SKI: variants seen among roughly 807,000 people sequenced by gnomAD.
SKI encodes the protein ski oncogene.
A neutral mutation model predicts 59.3 loss-of-function variants in SKI; 23 were observed. That is an observed-to-expected ratio of 0.39 (90% CI 0.28 to 0.55). SKI has a LOEUF of 0.55. Ranked by LOEUF, SKI falls within the 20% of genes least tolerant of loss-of-function variation. The pLI, the probability that SKI is intolerant of heterozygous loss-of-function variation, is 0.67. For missense variants in SKI, 1,017 were observed against 1,038.9 expected, an observed-to-expected ratio of 0.98 and a Z score of 0.29; for synonymous variants, 673 against 488.6, an observed-to-expected ratio of 1.38 and a Z score of -4.98.
chr1:2,280,009 G>A (rs1328054224), intron 1 of SKI, among the ~76,000 whole-genome samples: 2 of 152,214 alleles, frequency 1.3e-5, no homozygotes, highest in Non-Finnish European at 2.9e-5. Context: ...CAGCCATTCA[G>A]GAGAAGCGCG....
chr1:2,272,556 G>A (rs1396000546), intron 1 of SKI, among the ~76,000 whole-genome samples: 1 of 152,198 alleles, frequency 6.6e-6, no homozygotes, highest in Admixed American at 6.5e-5. Flanking sequence ...CCAAGGCTCG[G>A]GGAAGCCCTT....
chr1:2,273,714 C>G (rs1179561206), intron 1 of SKI, among the ~76,000 whole-genome samples: 1 of 152,196 alleles, frequency 6.6e-6, no homozygotes, highest in Non-Finnish European at 1.5e-5. Context: ...TGCAGCCTCC[C>G]CCAGCATTGC....
rs3065260 is a variant in SKI, at chr1:2,260,535, C to CTTTTTTTTTTTTTT, written c.969+30810_969+30823dup. Reference sequence around the variant, plus strand: ...TCCAATTTTTCAGTTTGTTCTTTTTCTTTTTTTTTTTTTTTTTTTTTTTGA... The same window carrying CTTTTTTTTTTTTTT: ...TCCAATTTTTCAGTTTGTTCTTTTTCTTTTTTTTTTTTTTTTTTTTTTTTTTTTTTTTTTTTTGA... On this transcript the variant is annotated intron_variant, in intron 1 of 6. Transcript: ENST00000378536. 2.7e-3 allele frequency among the ~76,000 whole-genome samples: 185 copies of CTTTTTTTTTTTTTT among 67,796 alleles called. 34 individuals carry two copies. Among genetic ancestry groups the CTTTTTTTTTTTTTT allele is most frequent in the Middle Eastern group, 0.012 (1 of 82 alleles). 44.5% of individuals were successfully genotyped at this position (67,796 alleles called of 152,430 possible).
At chr1:2,233,168 C>T (rs1174750329) in intron 1 of SKI, among the ~76,000 whole-genome samples, 1 of 151,460 alleles carries the variant, frequency 6.6e-6, no homozygotes, top group Non-Finnish European at 1.5e-5. Flanking sequence ...TGGGCCGTGG[C>T]AGGATCCTGC....
Position 2,269,720 on chromosome 1 carries a change from C to T in SKI, c.970-33258C>T, listed in dbSNP as rs1307978014. On this transcript the variant is annotated intron_variant, in intron 1 of 6. Coordinates refer to ENST00000378536, the MANE Select transcript of SKI (RefSeq NM_003036.4). This position sits in a 1 kb window ranked among gnomAD's most constrained non-coding sequence, Gnocchi z 4.7. ...GGACAGTGGGGACGTGGCTGTGCAC[C>T]GGGCCCAGGGCTGGCAGGAGGCTGC... Among the ~76,000 whole-genome samples, 7 of 152,356 alleles carry T rather than the reference C, an allele frequency of 4.6e-5. No homozygotes were observed. Among genetic ancestry groups the T allele is most frequent in the African/African-American group, 9.6e-5 (4 of 41,590 alleles).
chr1:2,292,469 CAG>C (rs1486548800), intron 1 of SKI, among the ~76,000 whole-genome samples: 5 of 152,178 alleles, frequency 3.3e-5, no homozygotes, highest in African/African-American at 1.2e-4. Flanking sequence ...GGGTCACACT[CAG>C]AACTGACTGC....
At chr1:2,235,087 G>C (rs1362044358) in intron 1 of SKI, among the ~76,000 whole-genome samples, 1 of 150,530 alleles carries the variant, frequency 6.6e-6, no homozygotes, top group Non-Finnish European at 1.5e-5. Flanking sequence ...CTGTTGCCCA[G>C]GCTGGAGTGC....
Position 2,268,151 on chromosome 1 carries a change from G to A in SKI, c.970-34827G>A, listed in dbSNP as rs1266958126. Among the ~76,000 whole-genome samples, 8 of 152,204 alleles carry A rather than the reference G, an allele frequency of 5.3e-5. No homozygotes were observed. Among genetic ancestry groups the A allele is most frequent in the African/African-American group, 1.4e-4 (6 of 41,468 alleles). ...GGCCCAGGTGCCCCCTGGGTTGTGC[G>A]GCGGGGCCCTGGCTCTGTGGGTGGG... On this transcript the variant is annotated intron_variant, in intron 1 of 6. Coordinates refer to ENST00000378536, the MANE Select transcript of SKI (RefSeq NM_003036.4). The surrounding 1 kb of genome is among the most constrained non-coding windows in gnomAD (Gnocchi z 5.0).
At chr1:2,272,262 C>T (rs764600401) in intron 1 of SKI, among the ~76,000 whole-genome samples, 1 of 152,234 alleles carries the variant, frequency 6.6e-6, no homozygotes, top group African/African-American at 2.4e-5. Context: ...AGCTACCAAG[C>T]TTAAATGTCT....
At chr1:2,291,914 T>A (rs1244343228) in intron 1 of SKI, among the ~76,000 whole-genome samples, 1 of 152,260 alleles carries the variant, frequency 6.6e-6, no homozygotes, top group Non-Finnish European at 1.5e-5. Flanking sequence ...CTTGGGGTTG[T>A]CTTGCAGATT....
rs567826959 is a variant in SKI, at chr1:2,293,255, T to C, written c.970-9723T>C. 2.0e-5 allele frequency among the ~76,000 whole-genome samples: 3 copies of C among 152,292 alleles called. No individual in the cohort carries two copies. The East Asian group carries it at 5.8e-4, about 29-fold the overall frequency. The stretch of plus-strand genomic sequence containing the variant: ...TTTGGTTGGCGATCGGGACTCACCA[T>C]GTTAGACCTGAGGTTCGTGGTGGGA... On this transcript the variant is annotated intron_variant, in intron 1 of 6. Coordinates refer to ENST00000378536, the MANE Select transcript of SKI (RefSeq NM_003036.4).
chr1:2,304,194 C>T (rs1640506164), intron 4 of SKI, 92 bp downstream of exon 4: 17 of 1,573,332 alleles, frequency 1.1e-5, no homozygotes, highest in Non-Finnish European at 1.5e-5. Flanking sequence ...GCGTTGGTGG[C>T]CCCATGTTTC....
intron 1 of SKI, among the ~76,000 whole-genome samples, chr1:2,238,101 G>A (rs1384951080): frequency 6.6e-6 from 1 of 152,220 alleles, no homozygotes; most frequent in Non-Finnish European, 1.5e-5. Flanking sequence ...GCTCCAGGGT[G>A]GGCATCCTTG....
chr1:2,304,180 G>T, intron 4 of SKI, 78 bp downstream of exon 4: 2 of 1,584,692 alleles, frequency 1.3e-6, no homozygotes, highest in East Asian at 2.3e-5. Flanking sequence ...TGGTCGCCGG[G>T]GGTGCGTTGG....
intron 1 of SKI, among the ~76,000 whole-genome samples, chr1:2,300,713 G>A (rs900378461): frequency 1.3e-5 from 2 of 152,192 alleles, no homozygotes; most frequent in Admixed American, 6.5e-5. Flanking sequence ...GCCGGGAGTC[G>A]CCTGATGAGG....
chr1:2,307,793 C>T lies in SKI; in HGVS notation c.*1028C>T, dbSNP rs1258437107. 6.6e-6 allele frequency: 1 copy of T among 152,470 alleles called. No individual in the cohort carries two copies. The highest frequency in any genetic ancestry group is 1.5e-5 in the Non-Finnish European group (1 of 68,028). The allele number at this position is 152,470 out of a possible 1,614,324, so 9.4% of individuals were successfully genotyped here. ...ATTCCCCAGTGAACTGAGGTTTTTACCGATTTATAGAGCAGTCAAATCCGA... is the reference window on the plus strand; with the variant it reads ...ATTCCCCAGTGAACTGAGGTTTTTATCGATTTATAGAGCAGTCAAATCCGA... On this transcript the variant is annotated 3_prime_UTR_variant, in exon 7 of 7. Transcript: ENST00000378536.
rs552342746 is a variant in SKI, at chr1:2,303,705, T to C, written c.1212-135T>C. 297 of 1,254,754 alleles carry C rather than the reference T, an allele frequency of 2.4e-4. 4 individuals are homozygous for C. The South Asian group carries it at 3.7e-3, about 15-fold the overall frequency. 77.7% of individuals were successfully genotyped at this position (1,254,754 alleles called of 1,614,324 possible). On this transcript the variant is annotated intron_variant, in intron 3 of 6. Transcript: ENST00000378536. This position sits in a 1 kb window ranked among gnomAD's most constrained non-coding sequence, Gnocchi z 5.6. ...AAACGCTTACGGGTTCTTAGGGAACTGTAAGCTTGACTTGAAGATTCGGAG... is the reference window on the plus strand; with the variant it reads ...AAACGCTTACGGGTTCTTAGGGAACCGTAAGCTTGACTTGAAGATTCGGAG...
intron 1 of SKI, among the ~76,000 whole-genome samples, chr1:2,290,942 C>G (rs1640149357): frequency 6.6e-6 from 1 of 152,252 alleles, no homozygotes; most frequent in Non-Finnish European, 1.5e-5. Flanking sequence ...TCCTCTCATT[C>G]TGGATGGAAA....
At chr1:2,249,209 GGGCAT>G (rs1639065668) in intron 1 of SKI, among the ~76,000 whole-genome samples, 1 of 152,222 alleles carries the variant, frequency 6.6e-6, no homozygotes, top group African/African-American at 2.4e-5. Flanking sequence ...ACCTGGGCCT[GGGCAT>G]CAGGTCCCAT....
Sources: gnomAD v4.1 joint callset for allele counts (sites outside exome capture counted in the v4.1 genomes callset) on GRCh38, gnomAD v4.1.1 for gene constraint, Gnocchi (gnomAD v3.1) non-coding constraint, MANE v1.5 for transcripts, NCBI Gene and HGNC (gene_info 2026-07-23, HGNC 2026-07-21) for gene names.